GRIA4: variants seen among roughly 807,000 people sequenced by gnomAD.
GRIA4 encodes glutamate receptor 4.
A neutral mutation model predicts 104.0 loss-of-function variants in GRIA4; 34 were observed. The observed-to-expected ratio is 0.33, with a 90% CI of 0.25 to 0.44. The LOEUF (loss-of-function observed/expected upper bound fraction) is 0.44. Among genes scored for constraint, GRIA4 ranks in the 20% least tolerant of loss-of-function variants. The pLI is 1.00. For missense variants in GRIA4, 750 were observed against 1,096.5 expected, an observed-to-expected ratio of 0.68 and a Z score of 4.46; for synonymous variants, 386 against 381.9, an observed-to-expected ratio of 1.01 and a Z score of -0.13.
chr11:105,711,089 T>C (rs1306543706), intron 3 of GRIA4, among the ~76,000 whole-genome samples: 3 of 152,110 alleles, frequency 2.0e-5, no homozygotes, highest in Non-Finnish European at 4.4e-5. Flanking sequence ...TATACAATAA[T>C]TTACAGATTA....
At chr11:105,874,961 G>A (rs1287485703) in intron 5 of GRIA4, among the ~76,000 whole-genome samples, 1 of 152,224 alleles carries the variant, frequency 6.6e-6, no homozygotes, top group Non-Finnish European at 1.5e-5. Context: ...TTGAATAGGA[G>A]TGGTGAGAGA....
At chr11:105,952,219 G>C (rs565087136) in intron 14 of GRIA4, among the ~76,000 whole-genome samples, 1 of 152,206 alleles carries the variant, frequency 6.6e-6, no homozygotes, top group East Asian at 1.9e-4. Flanking sequence ...TTTAATCTGT[G>C]TTCAAGTTGC....
At chr11:105,916,384 G>A (rs1947404544) in intron 10 of GRIA4, among the ~76,000 whole-genome samples, 3 of 152,018 alleles carry the variant, frequency 2.0e-5, no homozygotes, top group African/African-American at 7.2e-5. Flanking sequence ...CATTGTGCCC[G>A]ATACATAGTA....
intron 3 of GRIA4, among the ~76,000 whole-genome samples, chr11:105,689,415 C>T (rs898676774): frequency 1.3e-5 from 2 of 152,104 alleles, no homozygotes; most frequent in African/African-American, 2.4e-5. Flanking sequence ...GAGTTGTGTA[C>T]GTTTTTTCTG....
At chr11:105,921,804 G>C (rs1283849702) in intron 11 of GRIA4, among the ~76,000 whole-genome samples, 2 of 151,910 alleles carry the variant, frequency 1.3e-5, no homozygotes, top group African/African-American at 4.8e-5. Context: ...TATTCCTGTT[G>C]GTACAGGAGG....
chr11:105,665,289 T>A (rs1010062270), intron 3 of GRIA4, among the ~76,000 whole-genome samples: 1 of 151,992 alleles, frequency 6.6e-6, no homozygotes, highest in Non-Finnish European at 1.5e-5. Context: ...TATTTAGGGG[T>A]ACTAACTTAA....
chr11:105,679,944 A>G (rs1252503150), intron 3 of GRIA4, among the ~76,000 whole-genome samples: 1 of 152,100 alleles, frequency 6.6e-6, no homozygotes, highest in Non-Finnish European at 1.5e-5. Flanking sequence ...GACTTTAAAC[A>G]CAGGTTATGG....
chr11:105,762,653 G>A (rs1355340746), intron 4 of GRIA4, among the ~76,000 whole-genome samples: 1 of 152,112 alleles, frequency 6.6e-6, no homozygotes, highest in Non-Finnish European at 1.5e-5. Flanking sequence ...TTTGAATCAT[G>A]GGGATGGGTT....
At chr11:105,745,321 T>A (rs1443210609) in intron 3 of GRIA4, among the ~76,000 whole-genome samples, 1 of 152,214 alleles carries the variant, frequency 6.6e-6, no homozygotes, top group East Asian at 1.9e-4. Context: ...CCCTTCTTGG[T>A]AGCAACAAGG....
At chr11:105,820,727 T>C (rs1330920501) in intron 4 of GRIA4, among the ~76,000 whole-genome samples, 1 of 152,114 alleles carries the variant, frequency 6.6e-6, no homozygotes, top group East Asian at 1.9e-4. Flanking sequence ...TCATAGTCTA[T>C]AGCATTCTGT....
chr11:105,886,700 A>G (rs1366344565), intron 5 of GRIA4, among the ~76,000 whole-genome samples: 1 of 152,130 alleles, frequency 6.6e-6, no homozygotes, highest in Non-Finnish European at 1.5e-5. Context: ...CACTGTTATC[A>G]TTGACGACAC....
chr11:105,686,188 A>G (rs1217670905), intron 3 of GRIA4, among the ~76,000 whole-genome samples: 2 of 152,148 alleles, frequency 1.3e-5, no homozygotes, highest in East Asian at 1.9e-4. Flanking sequence ...TGAGCACAGT[A>G]CTCAACAGTT....
At chr11:105,613,898 G>C (rs1215325454) in intron 3 of GRIA4, 1 of 151,870 alleles carries the variant, frequency 6.6e-6, no homozygotes. Context: ...AAGCAAAAGG[G>C]TGTTATTTTT....
intron 3 of GRIA4, among the ~76,000 whole-genome samples, chr11:105,634,069 C>A (rs1247553676): frequency 6.6e-6 from 1 of 152,010 alleles, no homozygotes; most frequent in Admixed American, 6.6e-5. Context: ...TTGCTTGTGG[C>A]CAGGCATGGT....
chr11:105,940,163 G>C (rs968288236), intron 14 of GRIA4, among the ~76,000 whole-genome samples: 1 of 152,064 alleles, frequency 6.6e-6, no homozygotes, highest in African/African-American at 2.4e-5. Flanking sequence ...TCAGGAGTTC[G>C]AGACCAGCTT....
intron 6 of GRIA4, among the ~76,000 whole-genome samples, chr11:105,893,633 T>C (rs1344336243): frequency 4.6e-5 from 7 of 152,192 alleles, no homozygotes; most frequent in Admixed American, 3.9e-4. Flanking sequence ...AGCTAGACTT[T>C]ACATCAGATG....
rs370728858 is a variant in GRIA4, at chr11:105,610,191, A to AC, written c.-322dup. The AC allele has an allele frequency of 1.3e-5, 2 of 151,810 alleles. No individual in the cohort carries two copies. Among genetic ancestry groups the AC allele is most frequent in the Non-Finnish European group, 1.5e-5 (1 of 68,088 alleles). 9.4% of individuals were successfully genotyped at this position (151,810 alleles called of 1,614,324 possible). ...GGCCTGGGGGCATGGGGAGGTACTA[A>AC]CCCCCCGGAGCCCCCGATTGGGGCT... On this transcript the variant is annotated 5_prime_UTR_variant, in exon 1 of 17. Coordinates refer to ENST00000282499, the MANE Select transcript of GRIA4 (RefSeq NM_000829.4).
At chr11:105,743,832 C>T (rs1939480804) in intron 3 of GRIA4, among the ~76,000 whole-genome samples, 1 of 151,648 alleles carries the variant, frequency 6.6e-6, no homozygotes, top group South Asian at 2.1e-4. Context: ...TTTCTGTCTT[C>T]TTCTCCTCCC....
intron 14 of GRIA4, among the ~76,000 whole-genome samples, chr11:105,964,389 A>G (rs1471881752): frequency 6.6e-6 from 1 of 152,218 alleles, no homozygotes; most frequent in Non-Finnish European, 1.5e-5. Flanking sequence ...CACAAAATGG[A>G]AAAGCACGTT....
Sources: gnomAD v4.1 joint callset for allele counts (sites outside exome capture counted in the v4.1 genomes callset) on GRCh38, gnomAD v4.1.1 for gene constraint, MANE v1.5 for transcripts, NCBI Gene and HGNC (gene_info 2026-07-23, HGNC 2026-07-21) for gene names.